The following DPP10 variants were observed in gnomAD, a reference collection of about 807,000 sequenced individuals.
DPP10 encodes inactive dipeptidyl peptidase 10.
Under a neutral mutation model 120.9 loss-of-function variants are expected in DPP10, and 33 were observed. The ratio of observed to expected loss-of-function variants is 0.27; its 90% CI spans 0.21 to 0.37. The LOEUF (loss-of-function observed/expected upper bound fraction) is 0.37, where lower values mean the gene tolerates loss of function less well. DPP10 is among the 10% of genes least tolerant of loss of function. DPP10 has a pLI of 1.00. For missense variants in DPP10, 816 were observed against 942.8 expected (o/e 0.87, Z 1.76); for synonymous variants, 337 against 326.1 (o/e 1.03, Z -0.36).
At chr2:114,970,939 C>T (rs1304693468) in intron 1 of DPP10, among the ~76,000 whole-genome samples, 1 of 152,120 alleles carries the variant, frequency 6.6e-6, no homozygotes, top group Non-Finnish European at 1.5e-5. Flanking sequence ...GACTAGGAAG[C>T]TGAGGAGCAG....
chr2:115,122,673 G>A (rs2049883984), intron 1 of DPP10, among the ~76,000 whole-genome samples: 1 of 152,206 alleles, frequency 6.6e-6, no homozygotes, highest in African/African-American at 2.4e-5. Flanking sequence ...TCCTGAAGGA[G>A]CACAAGACCA....
At chr2:114,703,188 G>A (rs1416144274) in intron 1 of DPP10, among the ~76,000 whole-genome samples, 1 of 152,060 alleles carries the variant, frequency 6.6e-6, no homozygotes, top group South Asian at 2.1e-4. Flanking sequence ...TATTGACATA[G>A]AGTTTTACAT....
At chr2:115,287,605 T>G (rs888880311) in intron 1 of DPP10, among the ~76,000 whole-genome samples, 3 of 152,102 alleles carry the variant, frequency 2.0e-5, no homozygotes, top group African/African-American at 4.8e-5. Context: ...CTACTCAAGT[T>G]GCGGCAAAAG....
chr2:115,118,897 G>C (rs1030548061), intron 1 of DPP10, among the ~76,000 whole-genome samples: 6 of 152,184 alleles, frequency 3.9e-5, no homozygotes, highest in African/African-American at 1.4e-4. Flanking sequence ...TTACAGGTGT[G>C]AGCCACCGCG....
intron 1 of DPP10, among the ~76,000 whole-genome samples, chr2:114,644,585 C>A (rs1695978050): frequency 6.6e-6 from 1 of 151,808 alleles, no homozygotes; most frequent in South Asian, 2.1e-4. Context: ...GATGCAGGGC[C>A]CTGGAATCAC....
chr2:115,777,321 G>A (rs1408099168), intron 14 of DPP10, 22 bp downstream of exon 14: 1 of 1,597,958 alleles, frequency 6.3e-7, no homozygotes, highest in Non-Finnish European at 8.6e-7. Flanking sequence ...CAGTTCTCTA[G>A]TCAGGCTGCA....
chr2:115,005,989 G>A (rs1701811322), intron 1 of DPP10, among the ~76,000 whole-genome samples: 1 of 152,148 alleles, frequency 6.6e-6, no homozygotes, highest in Non-Finnish European at 1.5e-5. Context: ...TACCCTCAAA[G>A]GGAAGCCCAT....
At chr2:114,745,510 A>T (rs1027057797) in intron 1 of DPP10, among the ~76,000 whole-genome samples, 1 of 152,252 alleles carries the variant, frequency 6.6e-6, no homozygotes, top group African/African-American at 2.4e-5. Flanking sequence ...GTGAGTGCAC[A>T]GAGAGCAAAA....
At chr2:114,668,998 C>T (rs1267671741) in intron 1 of DPP10, among the ~76,000 whole-genome samples, 1 of 152,100 alleles carries the variant, frequency 6.6e-6, no homozygotes, top group East Asian at 1.9e-4. Context: ...CCATCCAGGA[C>T]GAGGGCCATT....
intron 1 of DPP10, among the ~76,000 whole-genome samples, chr2:114,661,006 T>C (rs961434461): frequency 6.6e-6 from 1 of 152,176 alleles, no homozygotes. Context: ...TATTTCTGCT[T>C]GCTAAAATCA....
intron 1 of DPP10, among the ~76,000 whole-genome samples, chr2:114,787,665 A>G (rs570332241): frequency 1.3e-5 from 2 of 152,246 alleles, no homozygotes; most frequent in African/African-American, 4.8e-5. Flanking sequence ...CCTTGAGCCA[A>G]TGTGTGTATG....
At chr2:115,783,179 C>T (rs1194574163) in intron 17 of DPP10, among the ~76,000 whole-genome samples, 1 of 151,100 alleles carries the variant, frequency 6.6e-6, no homozygotes, top group African/African-American at 2.5e-5. Context: ...TATTGACTCA[C>T]TTGAACTTTG....
At chr2:114,914,408 T>A (rs1694620193) in intron 1 of DPP10, among the ~76,000 whole-genome samples, 1 of 152,196 alleles carries the variant, frequency 6.6e-6, no homozygotes, top group African/African-American at 2.4e-5. Flanking sequence ...ATATTCAGCA[T>A]CCTTAAAGAT....
At chr2:115,803,085 T>C (rs1685465729) in intron 19 of DPP10, among the ~76,000 whole-genome samples, 3 of 152,332 alleles carry the variant, frequency 2.0e-5, no homozygotes, top group Admixed American at 2.0e-4. Flanking sequence ...TGTAGGTCAC[T>C]AAGGACTTGC....
chr2:115,130,376 A>T (rs1212216777), intron 1 of DPP10, among the ~76,000 whole-genome samples: 1 of 152,106 alleles, frequency 6.6e-6, no homozygotes. Context: ...AGCTTCTGAG[A>T]AATAATCCTC....
At chr2:115,140,924 T>A (rs1043778146) in intron 1 of DPP10, among the ~76,000 whole-genome samples, 1 of 47,578 alleles carries the variant, frequency 2.1e-5, no homozygotes, top group Admixed American at 2.0e-4. Context: ...CATGCTTATC[T>A]TGAAAAAAAA....
At chr2:114,846,248 C>T (rs1176867162) in intron 1 of DPP10, among the ~76,000 whole-genome samples, 1 of 152,104 alleles carries the variant, frequency 6.6e-6, no homozygotes. Context: ...TGCTGTCTCA[C>T]CCCAATGACA....
intron 1 of DPP10, among the ~76,000 whole-genome samples, chr2:114,984,598 C>T (rs1418489689): frequency 2.0e-5 from 3 of 152,040 alleles, no homozygotes; most frequent in African/African-American, 7.2e-5. Flanking sequence ...TCAAATCCAG[C>T]TTGGGAAACA....
intron 1 of DPP10, among the ~76,000 whole-genome samples, chr2:114,748,369 T>TC (rs1678828740): frequency 7.7e-6 from 1 of 129,206 alleles, no homozygotes; most frequent in Non-Finnish European, 1.6e-5. Flanking sequence ...TTATTTTATT[T>TC]ATTTATTTAT....
Sources: gnomAD v4.1 joint callset for allele counts (sites outside exome capture counted in the v4.1 genomes callset) on GRCh38, gnomAD v4.1.1 for gene constraint, MANE v1.5 for transcripts, NCBI Gene and HGNC (gene_info 2026-07-23, HGNC 2026-07-21) for gene names.